The following LOC400499 variants were observed in gnomAD, a reference collection of about 807,000 sequenced individuals.
chr16:11,485,489 G>T, the LOC400499 span, among the ~76,000 whole-genome samples: 89 of 152,154 alleles, frequency 5.8e-4, no homozygotes, highest in African/African-American at 2.0e-3. Flanking sequence ...CCCCTGGATG[G>T]GGGGGAGGGT....
chr16:11,413,721 T>A, the LOC400499 span, among the ~76,000 whole-genome samples: 1 of 152,166 alleles, frequency 6.6e-6, no homozygotes, highest in African/African-American at 2.4e-5. Context: ...ACCATCAGCA[T>A]CTTCTTCTTC....
the LOC400499 span, chr16:11,475,715 G>C: frequency 5.0e-6 from 2 of 398,914 alleles, no homozygotes; most frequent in African/African-American, 4.1e-5. Context: ...ACAGCTGAGA[G>C]CTGGGTGGGG....
the LOC400499 span, among the ~76,000 whole-genome samples, chr16:11,445,543 G>C: frequency 6.6e-6 from 1 of 152,212 alleles, no homozygotes; most frequent in Admixed American, 6.5e-5. Context: ...GAGTAGAAGG[G>C]AGGAGGCAAA....
chr16:11,394,111 C>T, the LOC400499 span, among the ~76,000 whole-genome samples: 1 of 152,158 alleles, frequency 6.6e-6, no homozygotes, highest in Non-Finnish European at 1.5e-5. Context: ...TCCCCAGTGC[C>T]CTGGTGTTTC....
At chr16:11,437,285 C>A in the LOC400499 span, among the ~76,000 whole-genome samples, 1 of 152,192 alleles carries the variant, frequency 6.6e-6, no homozygotes, top group African/African-American at 2.4e-5. Flanking sequence ...GCTGGCAGGG[C>A]ACGATGACTC....
At chr16:11,521,233 A>G in the LOC400499 span, among the ~76,000 whole-genome samples, 1 of 152,194 alleles carries the variant, frequency 6.6e-6, no homozygotes, top group African/African-American at 2.4e-5. Context: ...CAGTACAAAA[A>G]TGCATCACAA....
At chr16:11,517,522 G>C in the LOC400499 span, among the ~76,000 whole-genome samples, 10 of 152,186 alleles carry the variant, frequency 6.6e-5, no homozygotes, top group African/African-American at 2.4e-4. Flanking sequence ...GTAGTGTTTT[G>C]CTCGGGGCTC....
chr16:11,436,183 C>G, the LOC400499 span, among the ~76,000 whole-genome samples: 1 of 152,196 alleles, frequency 6.6e-6, no homozygotes, highest in Non-Finnish European at 1.5e-5. Flanking sequence ...CATATGCCAC[C>G]TGAGTCTGCC....
the LOC400499 span, among the ~76,000 whole-genome samples, chr16:11,397,600 G>A: frequency 6.6e-6 from 1 of 152,138 alleles, no homozygotes; most frequent in Non-Finnish European, 1.5e-5. Context: ...GAATACAGCC[G>A]TAAGGATTCA....
At chr16:11,497,128 A>G in the LOC400499 span, among the ~76,000 whole-genome samples, 1 of 152,048 alleles carries the variant, frequency 6.6e-6, no homozygotes, top group Non-Finnish European at 1.5e-5. Context: ...GTGTACGTGC[A>G]GGTCTGTGCA....
At chr16:11,385,424 G>A in the LOC400499 span, 2 of 1,232,186 alleles carry the variant, frequency 1.6e-6, no homozygotes, top group Admixed American at 8.4e-5. Flanking sequence ...GGTCTGGGTA[G>A]AAGCAGCCCA....
At chr16:11,440,015 C>G in the LOC400499 span, among the ~76,000 whole-genome samples, 3 of 152,048 alleles carry the variant, frequency 2.0e-5, no homozygotes, top group East Asian at 1.9e-4. Context: ...AGTAATTCAC[C>G]GAAGGTTACA....
chr16:11,441,117 C>T, the LOC400499 span: 2 of 398,802 alleles, frequency 5.0e-6, no homozygotes, highest in South Asian at 1.3e-4. Context: ...GAGGTCTCAT[C>T]CCATCTCTAT....
the LOC400499 span, among the ~76,000 whole-genome samples, chr16:11,475,067 T>C: frequency 3.9e-5 from 6 of 152,346 alleles, no homozygotes; most frequent in East Asian, 1.9e-4. Context: ...AGTATGAATA[T>C]GTAAGTGACT....
the LOC400499 span, among the ~76,000 whole-genome samples, chr16:11,373,086 G>C: frequency 3.8e-3 from 572 of 152,344 alleles, 1 homozygote; most frequent in Non-Finnish European, 6.2e-3. Context: ...CAAGGGGAGG[G>C]CGGAACCTTA....
the LOC400499 span, chr16:11,471,353 G>A: frequency 3.9e-6 from 1 of 256,798 alleles, no homozygotes; most frequent in Non-Finnish European, 7.3e-6. Flanking sequence ...TAAAAGGGAA[G>A]AAATGTGGTT....
At chr16:11,475,818 CCT>C in the LOC400499 span, 2 of 391,748 alleles carry the variant, frequency 5.1e-6, no homozygotes, top group African/African-American at 2.1e-5. Flanking sequence ...CAAATTCTAC[CCT>C]GAGCGGGGCC....
At chr16:11,513,744 A>G in the LOC400499 span, among the ~76,000 whole-genome samples, 1 of 152,162 alleles carries the variant, frequency 6.6e-6, no homozygotes, top group African/African-American at 2.4e-5. Flanking sequence ...ATTTTTATTT[A>G]AATTTAACTA....
the LOC400499 span, among the ~76,000 whole-genome samples, chr16:11,421,482 A>G: frequency 6.6e-6 from 1 of 151,646 alleles, no homozygotes; most frequent in African/African-American, 2.4e-5. Context: ...GCTCACTGCA[A>G]CCTCCGCCTC....
Sources: gnomAD v4.1 joint callset for allele counts (sites outside exome capture counted in the v4.1 genomes callset) on GRCh38, gnomAD v4.1.1 for gene constraint, MANE v1.5 for transcripts.